Variants in CTNNA1 observed in about 807,000 individuals in gnomAD.
CTNNA1 encodes catenin alpha-1.
CTNNA1 carries 37 observed loss-of-function variants against 98.4 expected under a neutral mutation model. The observed-to-expected ratio is 0.38, with a 90% CI of 0.29 to 0.49. The LOEUF (loss-of-function observed/expected upper bound fraction) is 0.49. CTNNA1 is among the 20% of genes least tolerant of loss of function. CTNNA1 has a pLI of 0.95. For synonymous variants in CTNNA1, 404 were observed against 413.2 expected, an observed-to-expected ratio of 0.98 and a Z score of 0.27; for missense variants, 761 against 1,147.2, an observed-to-expected ratio of 0.66 and a Z score of 4.86.
chr5:138,810,017 G>T, intron 3 of CTNNA1, 21 bp from the exon 4 acceptor site: 2 of 1,580,292 alleles, frequency 1.3e-6, no homozygotes, highest in Non-Finnish European at 1.7e-6. Flanking sequence ...TGCTGAGTTT[G>T]TTTTTCATTC....
chr5:138,820,602 G>A (rs1176283396), intron 5 of CTNNA1, among the ~76,000 whole-genome samples: 1 of 152,054 alleles, frequency 6.6e-6, no homozygotes, highest in Non-Finnish European at 1.5e-5. Context: ...GGTGGTGGAG[G>A]CCTGGTGTTT....
At chr5:138,798,293 A>G (rs1286486980) in intron 3 of CTNNA1, among the ~76,000 whole-genome samples, 1 of 152,250 alleles carries the variant, frequency 6.6e-6, no homozygotes, top group African/African-American at 2.4e-5. Context: ...AAAAGAAAAC[A>G]GCTAGAGATA....
chr5:138,907,982 T>TCTG (rs1759655169), intron 10 of CTNNA1, among the ~76,000 whole-genome samples: 1 of 151,548 alleles, frequency 6.6e-6, no homozygotes, highest in Non-Finnish European at 1.5e-5. Flanking sequence ...TTTTTTTTCT[T>TCTG]CTTCTTCTTC....
intron 5 of CTNNA1, among the ~76,000 whole-genome samples, chr5:138,814,039 A>G (rs182242242): frequency 3.9e-5 from 6 of 152,340 alleles, no homozygotes; most frequent in Admixed American, 3.9e-4. Context: ...AATAAATAAT[A>G]TATGTACAGT....
chr5:138,830,046 AGT>A (rs1761110489), intron 7 of CTNNA1, among the ~76,000 whole-genome samples: 1 of 152,146 alleles, frequency 6.6e-6, no homozygotes, highest in Non-Finnish European at 1.5e-5. Flanking sequence ...GGGCGCCTGT[AGT>A]CCCAGCTGCT....
At chr5:138,817,224 T>C (rs1191220280) in intron 5 of CTNNA1, among the ~76,000 whole-genome samples, 1 of 152,236 alleles carries the variant, frequency 6.6e-6, no homozygotes, top group Non-Finnish European at 1.5e-5. Context: ...ATTCCATTTT[T>C]TCCTGGCCTG....
At chr5:138,831,627 C>G (rs542105094) in intron 7 of CTNNA1, among the ~76,000 whole-genome samples, 7 of 151,408 alleles carry the variant, frequency 4.6e-5, no homozygotes, top group Admixed American at 2.0e-4. Flanking sequence ...CATCTCTTTG[C>G]TGAAGGCCAT....
At chr5:138,922,961 A>C (rs1763227812) in intron 11 of CTNNA1, among the ~76,000 whole-genome samples, 1 of 151,516 alleles carries the variant, frequency 6.6e-6, no homozygotes, top group South Asian at 2.1e-4. Flanking sequence ...AAGTATCTAG[A>C]CAAAGGTTAA....
chr5:138,928,928 T>G (rs1024278996), intron 13 of CTNNA1, among the ~76,000 whole-genome samples: 1 of 146,112 alleles, frequency 6.8e-6, no homozygotes. Flanking sequence ...AGAGCGAGAC[T>G]CTGTCTCAAA....
chr5:138,795,151 C>CAAAA (rs35532090), intron 3 of CTNNA1, among the ~76,000 whole-genome samples: 2 of 81,678 alleles, frequency 2.4e-5, no homozygotes, highest in Admixed American at 1.4e-4. Context: ...GTGAGACTCT[C>CAAAA]AAAAAAAAAA....
intron 3 of CTNNA1, among the ~76,000 whole-genome samples, chr5:138,799,393 C>G (rs1315481947): frequency 6.6e-6 from 1 of 152,146 alleles, no homozygotes; most frequent in African/African-American, 2.4e-5. Context: ...CTCCTGACTT[C>G]AGGTGATCCA....
intron 2 of CTNNA1, chr5:138,782,354 G>T (rs1238013647): frequency 2.1e-6 from 1 of 475,900 alleles, no homozygotes; most frequent in African/African-American, 2.0e-5. Flanking sequence ...GATTGTTAAG[G>T]TCTCTCACTC....
At chr5:138,890,588 A>G (rs927669142) in intron 9 of CTNNA1, among the ~76,000 whole-genome samples, 9 of 152,326 alleles carry the variant, frequency 5.9e-5, no homozygotes, top group Non-Finnish European at 8.8e-5. Flanking sequence ...GCCTCTTCCA[A>G]TGAAATCAAG....
chr5:138,825,958 A>G (rs1760675553), intron 6 of CTNNA1, among the ~76,000 whole-genome samples: 2 of 152,162 alleles, frequency 1.3e-5, no homozygotes, highest in Admixed American at 6.5e-5. Flanking sequence ...AAGTTGAGTA[A>G]TATCTACCAG....
chr5:138,796,539 G>A (rs1017120023), intron 3 of CTNNA1, among the ~76,000 whole-genome samples: 242 of 81,694 alleles, frequency 3.0e-3, no homozygotes, highest in African/African-American at 0.012. Context: ...GCGAGACTCC[G>A]TCTCAAAAAA....
rs1197288286 is a variant in CTNNA1 at position 138,812,242 on chromosome 5, G to A, written c.528G>A (p.Gln176=). Residue 176 remains glutamine, a synonymous_variant, in exon 5 of 18, where the codon CAG becomes CAA. Coordinates refer to ENST00000302763, the MANE Select transcript of CTNNA1 (RefSeq NM_001903.5). ...GCAATGAACAAGACTTAGGAATCCA[G>A]TATAAAGCCCTAAAACCTGAAGTGG... ...NAGNEQDLGI[Q]YKALKPEVDK... 1 of 1,613,734 alleles carries A rather than the reference G, an allele frequency of 6.2e-7. No homozygotes were observed. The highest frequency in any genetic ancestry group is 8.5e-7 in the Non-Finnish European group (1 of 1,179,812).
chr5:138,825,482 G>GGTTTTTTTTTTTTTT (rs1760578153), intron 6 of CTNNA1, among the ~76,000 whole-genome samples: 1 of 74,114 alleles, frequency 1.3e-5, no homozygotes, highest in African/African-American at 5.8e-5. Flanking sequence ...AGCAGTATAA[G>GGTTTTTTTTTTTTTT]TTTTTTTTTT....
intron 7 of CTNNA1, among the ~76,000 whole-genome samples, chr5:138,832,338 A>G (rs1761350624): frequency 6.6e-6 from 1 of 152,218 alleles, no homozygotes; most frequent in Non-Finnish European, 1.5e-5. Flanking sequence ...GACCCATGAC[A>G]GTGGAGGTTT....
chr5:138,858,835 G>A (rs1367651507), intron 7 of CTNNA1, among the ~76,000 whole-genome samples: 1 of 152,190 alleles, frequency 6.6e-6, no homozygotes, highest in East Asian at 1.9e-4. Flanking sequence ...CTGACCTCAA[G>A]TGATCCGCCT....
Sources: gnomAD v4.1 joint callset for allele counts (sites outside exome capture counted in the v4.1 genomes callset) on GRCh38, gnomAD v4.1.1 for gene constraint, MANE v1.5 for transcripts, NCBI Gene and HGNC (gene_info 2026-07-23, HGNC 2026-07-21) for gene names.